Variants in EPC1 observed in about 807,000 individuals in gnomAD.
EPC1 encodes enhancer of polycomb homolog 1.
EPC1 carries 12 observed loss-of-function variants against 98.4 expected under a neutral mutation model. The ratio of observed to expected loss-of-function variants is 0.12; its 90% CI spans 0.08 to 0.20. The LOEUF is 0.20. EPC1 is among the 10% of genes least tolerant of loss of function. The probability of loss-of-function intolerance (pLI) is 1.00; values close to 1 mark genes in which losing one functional copy is unlikely to be tolerated. For missense variants in EPC1, 729 were observed against 990.5 expected (o/e 0.74, Z 3.54); for synonymous variants, 357 against 363.9 (o/e 0.98, Z 0.21).
chr10:32,337,830 AC>A (rs1159049202), intron 1 of EPC1, among the ~76,000 whole-genome samples: 1 of 151,506 alleles, frequency 6.6e-6, no homozygotes, highest in Non-Finnish European at 1.5e-5. Context: ...TTTCCTTCTC[AC>A]CACTCCACCA....
In EPC1 at chr10:32,287,110, T is replaced by C. The variant is rs749873166; in HGVS notation, c.1140A>G (p.Glu380=). The change falls in exon 7 of 14, where the codon GAA becomes GAG. Residue 380 remains glutamate (E), a synonymous_variant. Coordinates refer to ENST00000319778, the MANE Select transcript of EPC1 (RefSeq NM_001272004.3). Reference sequence around the variant, plus strand: ...ATTGTATTTGTACCTGGGAGAGAGGTTCTTCGTCTGAGCTGGGAAAGTCAT... The same window carrying C: ...ATTGTATTTGTACCTGGGAGAGAGGCTCTTCGTCTGAGCTGGGAAAGTCAT... ...NQYDFPSSDE[E]PLSQVLSGSS... is the part of the protein sequence containing the mutation. 7.4e-6 allele frequency: 12 copies of C among 1,614,024 alleles called. No individual in the cohort carries two copies. Among genetic ancestry groups the C allele is most frequent in the African/African-American group, 1.3e-5 (1 of 74,920 alleles).
chr10:32,351,385 G>A (rs1564564180), upstream of EPC1, among the ~76,000 whole-genome samples: 1 of 152,226 alleles, frequency 6.6e-6, no homozygotes, highest in South Asian at 2.1e-4. Flanking sequence ...GGCTGGGTGC[G>A]GTGGCTCATG....
intron 1 of EPC1, among the ~76,000 whole-genome samples, chr10:32,321,572 G>A (rs1836921187): frequency 6.6e-6 from 1 of 151,928 alleles, no homozygotes; most frequent in African/African-American, 2.4e-5. Flanking sequence ...GTAGATCAGT[G>A]GCAGAGACTA....
intron 1 of EPC1, among the ~76,000 whole-genome samples, chr10:32,307,252 A>C (rs1835929243): frequency 6.6e-6 from 1 of 152,164 alleles, no homozygotes; most frequent in Non-Finnish European, 1.5e-5. Flanking sequence ...ACCATCTCCT[A>C]AGTGCTACAA....
At chr10:32,294,224 G>A (rs1486835034) in intron 2 of EPC1, among the ~76,000 whole-genome samples, 1 of 152,138 alleles carries the variant, frequency 6.6e-6, no homozygotes, top group Non-Finnish European at 1.5e-5. Context: ...AAGTTGAAGT[G>A]TTAGAAGCCA....
Position 32,286,768 on chromosome 10 carries a change from T to C in EPC1, c.1317A>G (p.Arg439=), listed in dbSNP as rs1162541225. ...GTACGGTGAGAGTAGTTAAGCAGTATCTATATCGCACATCCCCTAATCCTC... is the reference window on the plus strand; with the variant it reads ...GTACGGTGAGAGTAGTTAAGCAGTACCTATATCGCACATCCCCTAATCCTC... ...KDGGLGDVRY[R]YCLTTLTVPQ... Residue 439 remains arginine, a synonymous_variant, in exon 9 of 14, where the codon AGA becomes AGG. Coordinates refer to ENST00000319778, the MANE Select transcript of EPC1 (RefSeq NM_001272004.3). 2 of 1,613,962 alleles carry C rather than the reference T, an allele frequency of 1.2e-6. No individual in the cohort carries two copies. Among genetic ancestry groups the C allele is most frequent in the African/African-American group, 2.7e-5 (2 of 74,892 alleles).
At chr10:32,275,175 G>A (rs575392778) in intron 10 of EPC1, among the ~76,000 whole-genome samples, 6 of 152,320 alleles carry the variant, frequency 3.9e-5, no homozygotes, top group African/African-American at 1.4e-4. Flanking sequence ...CTTTGCTGGC[G>A]TGTGTGTTTA....
intron 1 of EPC1, among the ~76,000 whole-genome samples, chr10:32,346,297 G>C (rs945244780): frequency 6.6e-6 from 1 of 152,150 alleles, no homozygotes; most frequent in Non-Finnish European, 1.5e-5. Context: ...CTGCGCTCCC[G>C]GCCCGGGCAG....
chr10:32,316,568 C>A (rs1024945822), intron 1 of EPC1, among the ~76,000 whole-genome samples: 2 of 152,086 alleles, frequency 1.3e-5, no homozygotes, highest in African/African-American at 2.4e-5. Flanking sequence ...TAGCTTCGCA[C>A]AAAGTACATC....
intron 3 of EPC1, 80 bp downstream of exon 3, chr10:32,293,512 G>T: frequency 7.5e-7 from 1 of 1,335,398 alleles, no homozygotes; most frequent in African/African-American, 1.5e-5. Flanking sequence ...CCCCCAACCT[G>T]CAATCTCACA....
intron 1 of EPC1, among the ~76,000 whole-genome samples, chr10:32,313,057 G>A (rs1272670872): frequency 6.6e-6 from 1 of 151,618 alleles, no homozygotes; most frequent in African/African-American, 2.4e-5. Flanking sequence ...GTGTACAGAA[G>A]GCTGGGTTTG....
intron 1 of EPC1, among the ~76,000 whole-genome samples, chr10:32,353,719 A>G (rs1839191791): frequency 6.6e-6 from 1 of 152,240 alleles, no homozygotes; most frequent in African/African-American, 2.4e-5. Context: ...ATATCTTTAA[A>G]CCATGTAAAT....
chr10:32,318,305 C>T (rs1337771853), intron 1 of EPC1, among the ~76,000 whole-genome samples: 1 of 152,104 alleles, frequency 6.6e-6, no homozygotes, highest in African/African-American at 2.4e-5. Flanking sequence ...ACAAATGTGT[C>T]TGTTTTTTTC....
chr10:32,289,041 A>C (rs527300726), intron 6 of EPC1, among the ~76,000 whole-genome samples: 1 of 152,184 alleles, frequency 6.6e-6, no homozygotes, highest in Non-Finnish European at 1.5e-5. Context: ...GTGAGCCAAG[A>C]TTGCGCCACT....
intron 1 of EPC1, among the ~76,000 whole-genome samples, chr10:32,361,548 G>A (rs1015315344): frequency 7.2e-5 from 11 of 152,084 alleles, no homozygotes; most frequent in Non-Finnish European, 1.5e-4. Flanking sequence ...TCTCTTTTCT[G>A]CATTTTCCCT....
chr10:32,368,435 C>T (rs1448905406), intron 1 of EPC1, among the ~76,000 whole-genome samples: 4 of 152,222 alleles, frequency 2.6e-5, no homozygotes, highest in Admixed American at 2.6e-4. Context: ...ACTGCTTTCT[C>T]TACCTGGAAG....
At chr10:32,279,373 C>A (rs1836282311) in intron 10 of EPC1, among the ~76,000 whole-genome samples, 1 of 149,836 alleles carries the variant, frequency 6.7e-6, no homozygotes. Context: ...AGAAAAAAAA[C>A]TTATGAATTT....
At chr10:32,327,271 A>G (rs1837352224) in intron 1 of EPC1, among the ~76,000 whole-genome samples, 1 of 152,206 alleles carries the variant, frequency 6.6e-6, no homozygotes, top group Non-Finnish European at 1.5e-5. Context: ...ATAGAAGTTG[A>G]GGGAAGAACA....
upstream of EPC1, among the ~76,000 whole-genome samples, chr10:32,349,184 A>G (rs1201856953): frequency 3.9e-5 from 6 of 152,346 alleles, no homozygotes; most frequent in African/African-American, 1.2e-4. Flanking sequence ...AAGTCCTAGC[A>G]GTAGAATTCA....
Sources: allele counts gnomAD v4.1 joint callset (sites outside exome capture counted in the v4.1 genomes callset), GRCh38; gene constraint gnomAD v4.1.1; transcripts MANE v1.5; gene names NCBI Gene and HGNC (gene_info 2026-07-23, HGNC 2026-07-21).